API5: variants seen among roughly 807,000 people sequenced by gnomAD.
API5 encodes the protein apoptosis inhibitor 5.
API5 carries 6 observed loss-of-function variants against 71.9 expected under a neutral mutation model. That is an observed-to-expected ratio of 0.08 (90% CI 0.05 to 0.16). The LOEUF is 0.16. Ranked by LOEUF, API5 falls within the 10% of genes least tolerant of loss-of-function variation. API5 has a pLI of 1.00. For synonymous variants in API5, 189 were observed against 221.3 expected, an observed-to-expected ratio of 0.85 and a Z score of 1.30; for missense variants, 332 against 612.8, an observed-to-expected ratio of 0.54 and a Z score of 4.84.
At chr11:43,330,121 T>C in intron 10 of API5, 63 bp downstream of exon 10, 1 of 1,331,650 alleles carries the variant, frequency 7.5e-7, no homozygotes, top group African/African-American at 1.5e-5. Flanking sequence ...TAGACTTGTG[T>C]TGGGAGTTTT....
intron 13 of API5, among the ~76,000 whole-genome samples, chr11:43,338,136 G>C (rs1180937309): frequency 2.6e-5 from 4 of 152,180 alleles, no homozygotes; most frequent in African/African-American, 9.7e-5. Flanking sequence ...TTAGAAAGAA[G>C]AGTGAATTTC....
chr11:43,318,458 A>G (rs1854751709), intron 1 of API5, 182 bp from the exon 2 acceptor site: 1 of 1,535,090 alleles, frequency 6.5e-7, no homozygotes, highest in Non-Finnish European at 8.7e-7. Context: ...TGAAACAAAG[A>G]TGGAGGGAGA....
chr11:43,316,402 A>G (rs1430332758), intron 1 of API5, among the ~76,000 whole-genome samples: 1 of 135,600 alleles, frequency 7.4e-6, no homozygotes. Context: ...TTTTTTTTTC[A>G]TTTAATTTTG....
intron 2 of API5, 75 bp from the exon 3 acceptor site, chr11:43,320,743 AAAG>A (rs1854859883): frequency 5.1e-5 from 65 of 1,271,074 alleles, no homozygotes; most frequent in Middle Eastern, 2.8e-4. Flanking sequence ...AAAAAAAAAA[AAAG>A]AAAGAAAAGA....
intron 1 of API5, among the ~76,000 whole-genome samples, chr11:43,313,321 C>A (rs544046001): frequency 6.6e-6 from 1 of 152,214 alleles, no homozygotes; most frequent in South Asian, 2.1e-4. Context: ...TATGAGTTTT[C>A]AAGTACTGGA....
intron 13 of API5, among the ~76,000 whole-genome samples, chr11:43,339,755 G>A (rs1009269107): frequency 3.3e-5 from 5 of 152,274 alleles, no homozygotes; most frequent in East Asian, 1.9e-4. Context: ...GTCCAGTTGC[G>A]TGAAATACTG....
At chr11:43,341,558 T>G (rs1220769259) in intron 13 of API5, among the ~76,000 whole-genome samples, 1 of 152,050 alleles carries the variant, frequency 6.6e-6, no homozygotes, top group Non-Finnish European at 1.5e-5. Flanking sequence ...AAGTAAAAAT[T>G]AGGACAGCGC....
intron 13 of API5, among the ~76,000 whole-genome samples, chr11:43,339,890 A>T (rs1258630441): frequency 6.6e-6 from 1 of 152,218 alleles, no homozygotes. Context: ...ACCTTTAGTA[A>T]TGATAGACAA....
chr11:43,313,169 A>G (rs1854547483), intron 1 of API5, among the ~76,000 whole-genome samples: 1 of 152,156 alleles, frequency 6.6e-6, no homozygotes, highest in Admixed American at 6.5e-5. Context: ...GTTTGAAGAA[A>G]ATAAAACAGG....
chr11:43,320,043 T>TC (rs1491122841), intron 2 of API5, among the ~76,000 whole-genome samples: 33 of 116,638 alleles, frequency 2.8e-4, no homozygotes, highest in African/African-American at 8.1e-4. Context: ...AAATTCTCTC[T>TC]TTTTTTTTTT....
intron 6 of API5, among the ~76,000 whole-genome samples, chr11:43,325,778 T>TG (rs1056580080): frequency 6.6e-6 from 1 of 151,906 alleles, no homozygotes; most frequent in African/African-American, 2.4e-5. Context: ...TGCCAGGAAG[T>TG]GAAAAGGGCC....
At chr11:43,319,029 T>G (rs985227933) in intron 2 of API5, 7 of 448,414 alleles carry the variant, frequency 1.6e-5, no homozygotes, top group Non-Finnish European at 2.7e-5. Flanking sequence ...TTAGTTTCGC[T>G]TATCATTTAT....
At chr11:43,325,284 C>G (rs1304757598) in intron 6 of API5, among the ~76,000 whole-genome samples, 1 of 152,040 alleles carries the variant, frequency 6.6e-6, no homozygotes, top group African/African-American at 2.4e-5. Flanking sequence ...GAACAAATAT[C>G]GAATTTATGG....
At position 43,342,579 on chromosome 11, in the gene API5, G is replaced by T. The variant is rs1855656627; in HGVS notation, c.*69G>T. On this transcript the variant is annotated 3_prime_UTR_variant, in exon 14 of 14. Coordinates refer to ENST00000531273, the MANE Select transcript of API5 (RefSeq NM_001142930.2). ...CTTAAATTCTACTACTCATTGGATT[G>T]CCGGGGATGTCCCTTTAAACAGACT... is the stretch of plus-strand genomic sequence containing the variant. 1 of 1,505,540 alleles carries T rather than the reference G, an allele frequency of 6.6e-7. No individual in the cohort carries two copies. The highest frequency in any genetic ancestry group is 1.4e-5 in the African/African-American group (1 of 72,840). 93.3% of individuals were successfully genotyped at this position (1,505,540 alleles called of 1,614,324 possible).
At chr11:43,331,966 T>G (rs1461782793) in intron 11 of API5, 2 of 152,232 alleles carry the variant, frequency 1.3e-5, no homozygotes, top group African/African-American at 4.8e-5. Context: ...TTGACTTTAT[T>G]TGAACCGCTG....
At chr11:43,322,195 T>G (rs1174973921) in intron 5 of API5, 59 bp downstream of exon 5, 3 of 1,486,870 alleles carry the variant, frequency 2.0e-6, no homozygotes, top group East Asian at 2.3e-5. Flanking sequence ...TACTTGACAT[T>G]GGCAGTATTC....
At chr11:43,332,896 G>T (rs1855305911) in intron 11 of API5, among the ~76,000 whole-genome samples, 1 of 152,152 alleles carries the variant, frequency 6.6e-6, no homozygotes, top group Non-Finnish European at 1.5e-5. Flanking sequence ...CCCCCATCCT[G>T]TGGTTATCTA....
rs1284609715 is a variant in API5, at chr11:43,312,019, C to T, written c.-109C>T. 8.1e-6 allele frequency: 10 copies of T among 1,238,404 alleles called. 1 individual carries two copies. In the South Asian group the frequency reaches 9.5e-5, roughly 12 times the overall value. 76.7% of individuals were successfully genotyped at this position (1,238,404 alleles called of 1,614,324 possible). A position where few individuals can be genotyped will look rare whatever the true frequency, so the allele number is the denominator to read the frequency against. ...CGGTGACTGGCGGCTGCACTGGCGG[C>T]AGCTGGAGGTGTAATAGTGCGGGTA... On this transcript the variant is annotated 5_prime_UTR_variant, in exon 1 of 14. Transcript: ENST00000531273.
intron 11 of API5, among the ~76,000 whole-genome samples, chr11:43,334,986 T>C (rs1245413260): frequency 1.3e-5 from 2 of 152,204 alleles, no homozygotes; most frequent in East Asian, 1.9e-4. Context: ...ACAAAACTTA[T>C]TTGCTGACTT....
Sources: gnomAD v4.1 joint callset for allele counts (sites outside exome capture counted in the v4.1 genomes callset) on GRCh38, gnomAD v4.1.1 for gene constraint, MANE v1.5 for transcripts, NCBI Gene and HGNC (gene_info 2026-07-23, HGNC 2026-07-21) for gene names.